The following TUBB1 variants were observed in gnomAD, a reference collection of about 807,000 sequenced individuals.
The protein encoded by TUBB1 is tubulin beta-1 chain.
A neutral mutation model predicts 22.6 loss-of-function variants in TUBB1; 28 were observed. The ratio of observed to expected loss-of-function variants is 1.24; its 90% CI spans 0.92 to 1.70. The LOEUF (loss-of-function observed/expected upper bound fraction) is 1.70. TUBB1 is among the 40% of genes most tolerant of loss of function. The probability of loss-of-function intolerance (pLI) is 0.00; values close to 1 mark genes in which losing one functional copy is unlikely to be tolerated. For missense variants in TUBB1, 577 were observed against 605.5 expected (o/e 0.95, Z 0.49); for synonymous variants, 226 against 238.0 (o/e 0.95, Z 0.46).
In TUBB1 at chr20:59,024,468, C is replaced by A. The variant is rs1421750582; in HGVS notation, c.1041C>A (p.Asn347Lys). 6.2e-7 allele frequency: 1 copy of A among 1,614,106 alleles called. No individual in the cohort carries two copies. Among genetic ancestry groups the A allele is most frequent in the Non-Finnish European group, 8.5e-7 (1 of 1,180,050 alleles). ...GCTGCTTTGTGGAGTGGATTCCCAA[C>A]AACGTCAAGGTGGCTGTCTGCGACA... ...NSSCFVEWIP[N>K]NVKVAVCDIP... The change falls in exon 4 of 4, where the codon AAC (asparagine) becomes AAA (lysine). Residue 347 changes from asparagine (N) to lysine (K), a missense_variant. By Grantham distance (94) the Asn-to-Lys change is moderately conservative. Transcript: ENST00000217133. The surrounding 1 kb of genome is among the most constrained non-coding windows in gnomAD (Gnocchi z 4.9).
upstream of TUBB1, among the ~76,000 whole-genome samples, chr20:59,017,403 C>T (rs1478585993): frequency 6.6e-6 from 1 of 152,232 alleles, no homozygotes; most frequent in Non-Finnish European, 1.5e-5. Context: ...TCTTAGGACA[C>T]AGTGCTTTCT....
rs2091988572 is a variant in TUBB1, at chr20:59,025,161, C to T, written c.*378C>T. 3 of 310,138 alleles carry T rather than the reference C, an allele frequency of 9.7e-6. No individual in the cohort carries two copies. Among genetic ancestry groups the T allele is most frequent in the Admixed American group, 4.5e-5 (1 of 22,004 alleles). 19.2% of individuals were successfully genotyped at this position (310,138 alleles called of 1,614,324 possible). On this transcript the variant is annotated 3_prime_UTR_variant, in exon 4 of 4. Coordinates refer to ENST00000217133, the MANE Select transcript of TUBB1 (RefSeq NM_030773.4). ...ATACTTTAGCAGCACTGATAGGCAC[C>T]CTGGAATCCTCACTTGGTATCCGAG... is the stretch of plus-strand genomic sequence containing the variant.
chr20:59,019,583 A>C lies in TUBB1; in HGVS notation c.57+4A>C, dbSNP rs770613464. ...TGGCAACCAGATCGGAGCCAAGGTA[A>C]GTAATGTCTGGTTACTAATCCTAGC... is the stretch of plus-strand genomic sequence containing the variant. On this transcript the variant is annotated splice_donor_region_variant and intron_variant, in intron 1 of 3. Coordinates refer to ENST00000217133, the MANE Select transcript of TUBB1 (RefSeq NM_030773.4). 6.2e-7 allele frequency: 1 copy of C among 1,614,090 alleles called. No homozygotes were observed. Among genetic ancestry groups the C allele is most frequent in the African/African-American group, 1.3e-5 (1 of 74,940 alleles).
At chr20:59,023,241 A>G (rs2091976638) in intron 2 of TUBB1, among the ~76,000 whole-genome samples, 1 of 151,874 alleles carries the variant, frequency 6.6e-6, no homozygotes, top group Non-Finnish European at 1.5e-5. Context: ...ATATGAAGGA[A>G]GAGAATCTCT....
At chr20:59,019,180 G>A, upstream of TUBB1, 1 of 381,266 alleles carries the variant, frequency 2.6e-6, no homozygotes, top group East Asian at 5.8e-5. Flanking sequence ...CTAGAAGCCT[G>A]CAAACAGTGC....
upstream of TUBB1, among the ~76,000 whole-genome samples, chr20:59,016,575 G>C (rs551928593): frequency 2.8e-4 from 42 of 152,270 alleles, no homozygotes; most frequent in Non-Finnish European, 5.0e-4. Flanking sequence ...TGGGGAGGGA[G>C]GCTCGGGAGA....
intron 1 of TUBB1, among the ~76,000 whole-genome samples, chr20:59,022,147 C>T (rs1315393546): frequency 6.6e-6 from 1 of 151,600 alleles, no homozygotes; most frequent in East Asian, 1.9e-4. Flanking sequence ...CCATCCTGGC[C>T]AACATGGTGA....
In TUBB1 at chr20:59,024,688, G is replaced by C. The variant is rs769419634; in HGVS notation, c.1261G>C (p.Glu421Gln). Residue 421 changes from glutamate to glutamine, a missense_variant, in exon 4 of 4, where the codon GAG (glutamate) becomes CAG (glutamine). Glu to Gln is a conservative substitution (Grantham distance 29). Transcript: ENST00000217133. The surrounding 1 kb of genome is among the most constrained non-coding windows in gnomAD (Gnocchi z 4.9). Reference protein sequence around the residue: ...AENNIHDLVSEYQQFQDAKAV... With the variant: ...AENNIHDLVSQYQQFQDAKAV... The stretch of plus-strand genomic sequence containing the variant: ...AAATAACATCCATGATTTGGTATCC[G>C]AGTACCAACAATTTCAAGATGCCAA... The C allele has an allele frequency of 4.3e-6, 7 of 1,614,128 alleles. No individual in the cohort carries two copies. Among genetic ancestry groups the C allele is most frequent in the Non-Finnish European group, 5.9e-6 (7 of 1,180,020 alleles).
In TUBB1 at chr20:59,024,014, C is replaced by T. The variant is rs371592365; in HGVS notation, c.587C>T (p.Ala196Val). 7 of 1,614,230 alleles carry T rather than the reference C, an allele frequency of 4.3e-6. No individual in the cohort carries two copies. The highest frequency in any genetic ancestry group is 5.9e-6 in the Non-Finnish European group (7 of 1,180,048). The change falls in exon 4 of 4, where the codon GCA (alanine) becomes GTA (valine). Residue 196 changes from alanine (A) to valine (V), a missense_variant. Physicochemically the swap from Ala to Val is moderately conservative, Grantham distance 64. Transcript: ENST00000217133. This position sits in a 1 kb window ranked among gnomAD's most constrained non-coding sequence, Gnocchi z 4.9. ...TCTATCCACCAGCTGATTGAGAATG[C>T]AGATGCCTGTTTCTGCATTGACAAT... ...VLSIHQLIEN[A>V]DACFCIDNEA...
chr20:59,023,762 T>G lies in TUBB1; in HGVS notation c.335T>G (p.Leu112Arg), dbSNP rs146690614. The G allele has an allele frequency of 1.1e-5, 18 of 1,614,212 alleles. No homozygotes were observed. The highest frequency in any genetic ancestry group is 1.5e-5 in the Non-Finnish European group (18 of 1,180,024). The part of the protein sequence containing the change: ...AKGHYTEGAE[L>R]IENVLEVVRH... ...GGCCACTACACGGAGGGAGCCGAGC[T>G]GATCGAGAATGTCCTAGAGGTGGTG... Residue 112 changes from leucine to arginine, a missense_variant, in exon 4 of 4, where the codon CTG becomes CGG. Leu to Arg is a moderately radical substitution (Grantham distance 102). Transcript: ENST00000217133.
intron 1 of TUBB1, 102 bp downstream of exon 1, chr20:59,019,681 G>C: frequency 8.2e-7 from 1 of 1,222,090 alleles, no homozygotes; most frequent in Non-Finnish European, 1.2e-6. Flanking sequence ...AAGTCTAGCA[G>C]ATTTAATGTA....
intron 2 of TUBB1, 68 bp downstream of exon 2, chr20:59,023,021 GC>G: frequency 7.3e-7 from 1 of 1,376,172 alleles, no homozygotes; most frequent in Non-Finnish European, 1.0e-6. Context: ...AAGGGCAGAG[GC>G]CCAGGAGATG....
intron 1 of TUBB1, among the ~76,000 whole-genome samples, chr20:59,020,116 T>C (rs1284666401): frequency 6.6e-6 from 1 of 152,194 alleles, no homozygotes; most frequent in Non-Finnish European, 1.5e-5. Context: ...TGGGCTCAAG[T>C]GATCCTTCTG....
rs1466083797 is a variant in TUBB1, at chr20:59,025,878, A to G, written c.*1095A>G. 1 of 152,248 alleles carries G rather than the reference A, an allele frequency of 6.6e-6. No individual in the cohort carries two copies. The highest frequency in any genetic ancestry group is 1.5e-5 in the Non-Finnish European group (1 of 68,040). The allele number at this position is 152,248 out of a possible 1,614,324, so 9.4% of individuals were successfully genotyped here. On this transcript the variant is annotated 3_prime_UTR_variant, in exon 4 of 4. Coordinates refer to ENST00000217133, the MANE Select transcript of TUBB1 (RefSeq NM_030773.4). ...GATTTTAATCTGCTCACATTATAAC[A>G]GGACCAAATACACAAGAGCGTAATC... is the stretch of plus-strand genomic sequence containing the variant.
In TUBB1 at chr20:59,023,976, C is replaced by A. The variant is rs1356416490; in HGVS notation, c.549C>A (p.Tyr183Ter). 6.2e-7 allele frequency: 1 copy of A among 1,614,116 alleles called. No individual in the cohort carries two copies. The highest frequency in any genetic ancestry group is 1.7e-5 in the Admixed American group (1 of 60,020). ...TGTCGGACACTGTGGTGGAGCCCTA[C>A]AACGCGGTTCTGTCTATCCACCAGC... Reference protein sequence around the residue: ...PKVSDTVVEPYNAVLSIHQLI... With the variant: ...PKVSDTVVEP The change falls in exon 4 of 4, where the codon TAC becomes TAA. Residue 183 changes from tyrosine (Y) to a stop codon, truncating the protein, a stop_gained. Coordinates refer to ENST00000217133, the MANE Select transcript of TUBB1 (RefSeq NM_030773.4). LOFTEE classifies it high-confidence loss of function.
Position 59,024,017 on chromosome 20 carries a change from A to G in TUBB1, c.590A>G (p.Asp197Gly). ...LSIHQLIENA[D>G]ACFCIDNEAL... The stretch of plus-strand genomic sequence containing the variant: ...ATCCACCAGCTGATTGAGAATGCAG[A>G]TGCCTGTTTCTGCATTGACAATGAG... Residue 197 changes from aspartate (D) to glycine (G), a missense_variant, in exon 4 of 4, where the codon GAT becomes GGT. Coordinates refer to ENST00000217133, the MANE Select transcript of TUBB1 (RefSeq NM_030773.4). The surrounding 1 kb of genome is among the most constrained non-coding windows in gnomAD (Gnocchi z 4.9). The G allele has an allele frequency of 1.9e-6, 3 of 1,614,180 alleles. No individual in the cohort carries two copies. The highest frequency in any genetic ancestry group is 1.7e-6 in the Non-Finnish European group (2 of 1,180,022).
intron 1 of TUBB1, among the ~76,000 whole-genome samples, chr20:59,020,598 C>G (rs1457262241): frequency 1.3e-5 from 2 of 151,866 alleles, no homozygotes; most frequent in African/African-American, 4.8e-5. Context: ...TGTCTTTCCC[C>G]TCCCCTCTCA....
chr20:59,019,860 GCCGA>G (rs777068131), intron 1 of TUBB1, among the ~76,000 whole-genome samples: 5 of 152,140 alleles, frequency 3.3e-5, no homozygotes, highest in African/African-American at 7.2e-5. Context: ...TACAATACAT[GCCGA>G]CCATTATATT....
intron 2 of TUBB1, 34 bp from the exon 3 acceptor site, chr20:59,023,456 A>G (rs780760052): frequency 1.9e-6 from 3 of 1,591,622 alleles, no homozygotes; most frequent in Non-Finnish European, 2.6e-6. Flanking sequence ...TTAGAAAAAC[A>G]AGTAGGCTGA....
Sources: gnomAD v4.1 joint callset for allele counts (sites outside exome capture counted in the v4.1 genomes callset) on GRCh38, gnomAD v4.1.1 for gene constraint, Gnocchi (gnomAD v3.1) non-coding constraint, MANE v1.5 for transcripts, NCBI Gene and HGNC (gene_info 2026-07-23, HGNC 2026-07-21) for gene names.